Variants in CSMD1 observed in about 807,000 individuals in gnomAD.
CSMD1 encodes the protein CUB and sushi domain-containing protein 1.
A neutral mutation model predicts 417.5 loss-of-function variants in CSMD1; 213 were observed. That is an observed-to-expected ratio of 0.51 (90% CI 0.46 to 0.57). CSMD1 has a LOEUF of 0.57. Among genes scored for constraint, CSMD1 ranks in the 20% least tolerant of loss-of-function variants. The pLI, the probability that CSMD1 is intolerant of heterozygous loss-of-function variation, is 0.00. For missense variants in CSMD1, 6,923 were observed against 4,529.7 expected, an observed-to-expected ratio of 1.53 and a Z score of -15.17; for synonymous variants, 2,862 against 1,736.8, an observed-to-expected ratio of 1.65 and a Z score of -16.11.
intron 3 of CSMD1, among the ~76,000 whole-genome samples, chr8:4,321,810 AT>A (rs1799288158): frequency 6.6e-6 from 1 of 152,172 alleles, no homozygotes; most frequent in Admixed American, 6.5e-5. Flanking sequence ...AAAGTACTAA[AT>A]ATCTTTTTTG....
In CSMD1 at chr8:3,392,823, C is replaced by T. The variant is rs963968224; in HGVS notation, c.2593+3371G>A. 9.2e-5 allele frequency among the ~76,000 whole-genome samples: 14 copies of T among 152,024 alleles called. No homozygotes were observed. In the East Asian group the frequency reaches 1.4e-3, roughly 15 times the overall value. On this transcript the variant is annotated intron_variant, in intron 17 of 69. Transcript: ENST00000635120. Reference sequence around the variant, plus strand: ...ACGGGGACACCCTCTGAGTGGGTTGCGAGCCTCTGAAAGCACTCATATCTC... The same window carrying T: ...ACGGGGACACCCTCTGAGTGGGTTGTGAGCCTCTGAAAGCACTCATATCTC...
chr8:4,776,373 C>G (rs987783252), intron 1 of CSMD1, among the ~76,000 whole-genome samples: 1 of 152,106 alleles, frequency 6.6e-6, no homozygotes, highest in Non-Finnish European at 1.5e-5. Context: ...AGTGCTACTA[C>G]TATATCTACT....
At chr8:3,321,823 A>G (rs975403969) in intron 23 of CSMD1, among the ~76,000 whole-genome samples, 2 of 152,236 alleles carry the variant, frequency 1.3e-5, no homozygotes, top group African/African-American at 2.4e-5. Context: ...GTGAAAATAA[A>G]TGTGTTTCAA....
intron 5 of CSMD1, among the ~76,000 whole-genome samples, chr8:3,933,998 A>G (rs1810319561): frequency 6.6e-6 from 1 of 152,154 alleles, no homozygotes; most frequent in Non-Finnish European, 1.5e-5. Context: ...CCCATGGCAA[A>G]TATTCGCCTA....
chr8:3,046,616 G>T (rs909606153), intron 50 of CSMD1, among the ~76,000 whole-genome samples: 1 of 152,140 alleles, frequency 6.6e-6, no homozygotes, highest in Admixed American at 6.6e-5. Flanking sequence ...CCACGGTACA[G>T]TGTACCCCCA....
chr8:4,889,017 C>A (rs531790465), intron 1 of CSMD1, among the ~76,000 whole-genome samples: 2 of 152,144 alleles, frequency 1.3e-5, no homozygotes, highest in African/African-American at 2.4e-5. Flanking sequence ...CACCATTTGG[C>A]AAACACGATG....
At chr8:3,178,179 T>G (rs538186630) in intron 37 of CSMD1, among the ~76,000 whole-genome samples, 1 of 152,314 alleles carries the variant, frequency 6.6e-6, no homozygotes, top group South Asian at 2.1e-4. Flanking sequence ...TTGCTACCAT[T>G]ACTATTTTAC....
chr8:4,941,701 C>T (rs578226938), intron 1 of CSMD1, among the ~76,000 whole-genome samples: 4 of 152,128 alleles, frequency 2.6e-5, no homozygotes, highest in Non-Finnish European at 5.9e-5. Context: ...CTAGCTCAAG[C>T]AATTCTCTCG....
At chr8:3,596,255 T>C (rs11997148) in intron 8 of CSMD1, among the ~76,000 whole-genome samples, 17,117 of 152,144 alleles carry the variant, frequency 0.11, 1,144 homozygotes, top group African/African-American at 0.18. Context: ...CCATCATGCA[T>C]CAGCCTCACA....
intron 3 of CSMD1, among the ~76,000 whole-genome samples, chr8:4,289,182 T>C (rs1387446932): frequency 6.6e-6 from 1 of 152,192 alleles, no homozygotes; most frequent in Non-Finnish European, 1.5e-5. Context: ...TATAACAGTT[T>C]ATCGGACAAA....
At chr8:3,130,362 T>C (rs766448477) in intron 41 of CSMD1, among the ~76,000 whole-genome samples, 1 of 152,094 alleles carries the variant, frequency 6.6e-6, no homozygotes, top group Admixed American at 6.5e-5. Flanking sequence ...GCGATGCAGG[T>C]GTGTTGGAGC....
intron 1 of CSMD1, among the ~76,000 whole-genome samples, chr8:4,922,023 T>G (rs1181118801): frequency 1.3e-5 from 2 of 152,132 alleles, no homozygotes; most frequent in Non-Finnish European, 2.9e-5. Flanking sequence ...GAAAAGCCTT[T>G]CAAGAATCCC....
At chr8:3,513,586 T>C (rs1339879798) in intron 10 of CSMD1, among the ~76,000 whole-genome samples, 1 of 152,188 alleles carries the variant, frequency 6.6e-6, no homozygotes, top group African/African-American at 2.4e-5. Context: ...ATTAATACAC[T>C]AATCCTACGC....
chr8:3,192,185 C>A (rs1285024982), intron 33 of CSMD1, among the ~76,000 whole-genome samples: 1 of 152,154 alleles, frequency 6.6e-6, no homozygotes, highest in African/African-American at 2.4e-5. Context: ...TCTAACAGCA[C>A]TGATGTGGAA....
At chr8:4,150,155 G>T (rs528963255) in intron 3 of CSMD1, among the ~76,000 whole-genome samples, 1 of 152,148 alleles carries the variant, frequency 6.6e-6, no homozygotes, top group Non-Finnish European at 1.5e-5. Context: ...ATATCTTGAG[G>T]ATAGACAAAA....
chr8:3,609,133 T>C lies in CSMD1; in HGVS notation c.1097+7577A>G, dbSNP rs114818836. Reference sequence around the variant, plus strand: ...ATCCAGCTCTGACTCTGACAAGATATAGCACTTTGTTAGGTTAGCGTTCTG... The same window carrying C: ...ATCCAGCTCTGACTCTGACAAGATACAGCACTTTGTTAGGTTAGCGTTCTG... On this transcript the variant is annotated intron_variant, in intron 8 of 69. Coordinates refer to ENST00000635120, the MANE Select transcript of CSMD1 (RefSeq NM_033225.6). Among the ~76,000 whole-genome samples, 1,514 of 152,340 alleles carry C rather than the reference T, an allele frequency of 9.9e-3. 25 individuals carry two copies. The highest frequency in any genetic ancestry group is 0.035 in the African/African-American group (1,456 of 41,578).
intron 6 of CSMD1, among the ~76,000 whole-genome samples, chr8:3,709,136 A>G (rs1246938564): frequency 7.3e-6 from 1 of 136,300 alleles, no homozygotes; most frequent in Admixed American, 8.6e-5. Flanking sequence ...CCTGCATTAA[A>G]CATTTTAAGA....
chr8:4,979,656 G>A (rs1188197145), intron 1 of CSMD1, among the ~76,000 whole-genome samples: 2 of 152,212 alleles, frequency 1.3e-5, no homozygotes, highest in African/African-American at 2.4e-5. Context: ...CACAAAATAT[G>A]TTGGTGTGGT....
intron 3 of CSMD1, among the ~76,000 whole-genome samples, chr8:4,167,598 G>T (rs943686244): frequency 2.6e-5 from 4 of 152,248 alleles, no homozygotes; most frequent in African/African-American, 9.6e-5. Flanking sequence ...TATGCAAATG[G>T]CAGAAAAAAG....
Sources: gnomAD v4.1 joint callset for allele counts (sites outside exome capture counted in the v4.1 genomes callset) on GRCh38, gnomAD v4.1.1 for gene constraint, MANE v1.5 for transcripts, NCBI Gene and HGNC (gene_info 2026-07-23, HGNC 2026-07-21) for gene names.